Variants in TRDN observed in about 807,000 individuals in gnomAD.
TRDN encodes triadin in skeletal muscle.
In TRDN, 161 loss-of-function variants were observed where a neutral mutation model predicts 149.7. The ratio of observed to expected loss-of-function variants is 1.08; its 90% CI spans 0.95 to 1.23. The LOEUF (loss-of-function observed/expected upper bound fraction) is 1.23, where lower values mean the gene tolerates loss of function less well. Among genes scored for constraint, TRDN ranks in the 50% most tolerant of loss-of-function variants. The pLI, the probability that TRDN is intolerant of heterozygous loss-of-function variation, is 0.00. For missense variants in TRDN, 896 were observed against 823.5 expected, an observed-to-expected ratio of 1.09 and a Z score of -1.08; for synonymous variants, 294 against 250.5, an observed-to-expected ratio of 1.17 and a Z score of -1.64.
chr6:123,270,328 C>A (rs1331184149), intron 30 of TRDN, among the ~76,000 whole-genome samples: 1 of 151,900 alleles, frequency 6.6e-6, no homozygotes, highest in Non-Finnish European at 1.5e-5. Context: ...TCTATAATTT[C>A]TAGGAATAAT....
intron 1 of TRDN, among the ~76,000 whole-genome samples, chr6:123,620,896 G>A (rs935722004): frequency 3.9e-5 from 6 of 152,108 alleles, no homozygotes; most frequent in Admixed American, 3.3e-4. Context: ...AGTGTACCAA[G>A]GATCCTAGAA....
intron 1 of TRDN, among the ~76,000 whole-genome samples, chr6:123,597,783 T>TA (rs1164748540): frequency 6.6e-6 from 1 of 152,062 alleles, no homozygotes; most frequent in Non-Finnish European, 1.5e-5. Context: ...TGTGTATATA[T>TA]TTTTAGACAT....
intron 10 of TRDN, chr6:123,457,525 T>C (rs1388090297): frequency 4.6e-6 from 2 of 434,126 alleles, no homozygotes; most frequent in Non-Finnish European, 9.1e-6. Flanking sequence ...TAGCTCATAA[T>C]TCATGGGGAA....
intron 1 of TRDN, among the ~76,000 whole-genome samples, chr6:123,586,149 G>A (rs903671803): frequency 2.0e-5 from 3 of 152,222 alleles, no homozygotes; most frequent in South Asian, 2.1e-4. Flanking sequence ...GTCTGATAAA[G>A]AAAAAGGAGC....
At position 123,578,611 on chromosome 6, in the gene TRDN, T is replaced by A. The variant is rs145703151; in HGVS notation, c.23-7479A>T. On this transcript the variant is annotated intron_variant, in intron 1 of 40. Coordinates refer to ENST00000334268, the MANE Select transcript of TRDN (RefSeq NM_006073.4). Reference sequence around the variant, plus strand: ...TGTAATGCCTCCATCTTTTTCCTTTTTGCTTAGGATTGTCTTGGCTATTTG... The same window carrying A: ...TGTAATGCCTCCATCTTTTTCCTTTATGCTTAGGATTGTCTTGGCTATTTG... 5.5e-3 allele frequency among the ~76,000 whole-genome samples: 838 copies of A among 152,286 alleles called. 6 individuals carry two copies. Among genetic ancestry groups the A allele is most frequent in the African/African-American group, 0.019 (770 of 41,564 alleles).
At chr6:123,234,837 T>C (rs1412339393) in intron 38 of TRDN, among the ~76,000 whole-genome samples, 2 of 152,026 alleles carry the variant, frequency 1.3e-5, no homozygotes, top group Non-Finnish European at 2.9e-5. Context: ...ACATGAAAAG[T>C]GGGGTCACAT....
chr6:123,545,163 A>G (rs930798090), intron 4 of TRDN, among the ~76,000 whole-genome samples: 9 of 152,036 alleles, frequency 5.9e-5, no homozygotes, highest in Non-Finnish European at 1.3e-4. Flanking sequence ...TGAGAAGGGT[A>G]TTAATGAAGA....
intron 9 of TRDN, among the ~76,000 whole-genome samples, chr6:123,466,309 G>C (rs1562328978): frequency 6.6e-6 from 1 of 152,126 alleles, no homozygotes; most frequent in East Asian, 1.9e-4. Flanking sequence ...CAATTACATA[G>C]TGTTTACTAT....
chr6:123,471,420 T>G (rs971522897), intron 9 of TRDN: 7 of 152,220 alleles, frequency 4.6e-5, no homozygotes, highest in African/African-American at 1.7e-4. Flanking sequence ...GATGGTTTAT[T>G]TGGTCATCCC....
At chr6:123,333,514 G>T (rs548595313) in intron 22 of TRDN, among the ~76,000 whole-genome samples, 1 of 152,162 alleles carries the variant, frequency 6.6e-6, no homozygotes, top group African/African-American at 2.4e-5. Flanking sequence ...CTGGCAAGAT[G>T]CCTTCGGTTC....
chr6:123,344,253 T>C (rs553885572), intron 21 of TRDN, among the ~76,000 whole-genome samples: 1 of 152,198 alleles, frequency 6.6e-6, no homozygotes, highest in East Asian at 1.9e-4. Context: ...TTTATTACCA[T>C]CCAAGAAGCA....
chr6:123,633,638 T>C (rs1466263829), intron 1 of TRDN, among the ~76,000 whole-genome samples: 2 of 152,110 alleles, frequency 1.3e-5, no homozygotes, highest in African/African-American at 4.8e-5. Flanking sequence ...TTAATTTATT[T>C]TGCCAGAATC....
intron 1 of TRDN, among the ~76,000 whole-genome samples, chr6:123,582,450 TA>T (rs375705245): frequency 0.016 from 2,248 of 139,594 alleles, 44 homozygotes; most frequent in African/African-American, 0.056. Flanking sequence ...TGAAGGGAGA[TA>T]GGGGTGGGGC....
chr6:123,608,089 G>GA lies in TRDN; in HGVS notation c.22+28664dup, dbSNP rs1306706620. ...AACTGCAAGTGAAAATAATGATATT[G>GA]AACTTAGGAGCCTGAGATAAATGTG... On this transcript the variant is annotated intron_variant, in intron 1 of 40. Transcript: ENST00000334268. Among the ~76,000 whole-genome samples the GA allele has an allele frequency of 2.6e-5, 4 of 152,132 alleles. No homozygotes were observed. In the East Asian group the frequency reaches 7.8e-4, roughly 29 times the overall value.
intron 1 of TRDN, among the ~76,000 whole-genome samples, chr6:123,624,524 A>C (rs1321873): frequency 0.25 from 37,886 of 152,030 alleles, 4,880 homozygotes; most frequent in East Asian, 0.44. Flanking sequence ...TGCTACCCTA[A>C]GTACTTTCTG....
At chr6:123,419,255 G>T (rs1773795732) in intron 12 of TRDN, among the ~76,000 whole-genome samples, 1 of 152,150 alleles carries the variant, frequency 6.6e-6, no homozygotes, top group Non-Finnish European at 1.5e-5. Context: ...CTATAAGCAG[G>T]ATTTATGGTA....
At chr6:123,556,584 CTT>C (rs1358163979) in intron 2 of TRDN, among the ~76,000 whole-genome samples, 1 of 149,190 alleles carries the variant, frequency 6.7e-6, no homozygotes, top group African/African-American at 2.5e-5. Context: ...ATTTCCTCCT[CTT>C]TCTCTTCTTC....
At position 123,407,010 on chromosome 6, in the gene TRDN, T is replaced by C. The variant is rs377028751; in HGVS notation, c.1052-13333A>G. Among the ~76,000 whole-genome samples the C allele has an allele frequency of 5.3e-5, 8 of 152,018 alleles. No homozygotes were observed. The East Asian group carries it at 1.4e-3, about 26-fold the overall frequency. On this transcript the variant is annotated intron_variant, in intron 12 of 40. Transcript: ENST00000334268. Reference sequence around the variant, plus strand: ...CAGGCTCCAAGCTCAGGGTGCTTGCTGAGAGGGCCCAAGCTTAGGTGGGGG... The same window carrying C: ...CAGGCTCCAAGCTCAGGGTGCTTGCCGAGAGGGCCCAAGCTTAGGTGGGGG...
chr6:123,603,079 A>G (rs1303380315), intron 1 of TRDN, among the ~76,000 whole-genome samples: 1 of 79,038 alleles, frequency 1.3e-5, no homozygotes, highest in East Asian at 2.7e-4. Flanking sequence ...TATTCCAAGG[A>G]CTAATGTATA....
Sources: allele counts gnomAD v4.1 joint callset (sites outside exome capture counted in the v4.1 genomes callset), GRCh38; gene constraint gnomAD v4.1.1; transcripts MANE v1.5; gene names NCBI Gene and HGNC (gene_info 2026-07-23, HGNC 2026-07-21).